REEP1: variants seen among roughly 807,000 people sequenced by gnomAD.
The protein encoded by REEP1 is receptor accessory protein 1.
REEP1 carries 22 observed loss-of-function variants against 40.3 expected under a neutral mutation model. That is an observed-to-expected ratio of 0.55 (90% CI 0.39 to 0.78). The LOEUF (loss-of-function observed/expected upper bound fraction) is 0.78, where lower values mean the gene tolerates loss of function less well. REEP1 is among the 30% of genes least tolerant of loss of function. The pLI is 0.00. For missense variants in REEP1, 280 were observed against 361.1 expected (o/e 0.78, Z 1.82); for synonymous variants, 116 against 139.2 (o/e 0.83, Z 1.17).
intron 2 of REEP1, among the ~76,000 whole-genome samples, chr2:86,273,708 C>T (rs755555762): frequency 6.6e-6 from 1 of 152,128 alleles, no homozygotes; most frequent in African/African-American, 2.4e-5. Context: ...TGATTTCAGC[C>T]CTCAGATCTC....
At position 86,288,954 on chromosome 2, in the gene REEP1, G is replaced by A. The variant is rs371099708; in HGVS notation, c.33-6712C>T. 5.9e-5 allele frequency among the ~76,000 whole-genome samples: 9 copies of A among 152,018 alleles called. No individual in the cohort carries two copies. In the East Asian group the frequency reaches 1.4e-3, roughly 23 times the overall value. On this transcript the variant is annotated intron_variant, in intron 1 of 8. Transcript: ENST00000538924. ...TCCATTAGTTTATCTTGTTCTTAGT[G>A]ATTTTTAGGAATTCTTTGTGAATTT...
chr2:86,325,306 T>C (rs998623181), intron 1 of REEP1, among the ~76,000 whole-genome samples: 11 of 152,190 alleles, frequency 7.2e-5, no homozygotes, highest in Non-Finnish European at 1.2e-4. Context: ...CCCTTGTGTG[T>C]TTCCCCTTTC....
intron 3 of REEP1, among the ~76,000 whole-genome samples, chr2:86,260,853 G>A (rs1304687700): frequency 1.3e-5 from 2 of 152,164 alleles, no homozygotes; most frequent in Admixed American, 6.5e-5. Context: ...CTGTACTTCC[G>A]ACTTACAGAA....
intron 2 of REEP1, among the ~76,000 whole-genome samples, chr2:86,266,884 G>A (rs1677172416): frequency 6.6e-6 from 1 of 151,834 alleles, no homozygotes; most frequent in Non-Finnish European, 1.5e-5. Flanking sequence ...GTGGGCACCT[G>A]TAGTCCCAGC....
At chr2:86,300,940 C>T (rs1207467329) in intron 1 of REEP1, among the ~76,000 whole-genome samples, 1 of 152,154 alleles carries the variant, frequency 6.6e-6, no homozygotes, top group East Asian at 1.9e-4. Flanking sequence ...GCCCTTCACG[C>T]CTCTGGGTAC....
intron 5 of REEP1, 200 bp downstream of exon 5, chr2:86,251,757 A>T (rs1020358381): frequency 1.6e-6 from 1 of 623,432 alleles, no homozygotes; most frequent in Non-Finnish European, 2.9e-6. Flanking sequence ...TATTGCAAGT[A>T]TGTGGGCATG....
At chr2:86,326,319 A>G (rs915100580) in intron 1 of REEP1, among the ~76,000 whole-genome samples, 3 of 152,252 alleles carry the variant, frequency 2.0e-5, no homozygotes, top group Non-Finnish European at 4.4e-5. Flanking sequence ...TCAATCAATC[A>G]GTCTTGAGCA....
intron 2 of REEP1, among the ~76,000 whole-genome samples, chr2:86,281,509 T>C (rs1161679132): frequency 6.6e-6 from 1 of 152,114 alleles, no homozygotes; most frequent in Non-Finnish European, 1.5e-5. Context: ...ACACCTGTAA[T>C]CCAAGCTACT....
intron 5 of REEP1, among the ~76,000 whole-genome samples, chr2:86,236,329 T>G (rs1675322004): frequency 6.6e-6 from 1 of 152,192 alleles, no homozygotes; most frequent in South Asian, 2.1e-4. Flanking sequence ...TTCCACACTG[T>G]CTGTTCAGCT....
chr2:86,229,280 G>A (rs1182923395), intron 6 of REEP1, among the ~76,000 whole-genome samples: 1 of 152,226 alleles, frequency 6.6e-6, no homozygotes, highest in Non-Finnish European at 1.5e-5. Context: ...AGGCTGAATT[G>A]AGGCTCAGGA....
chr2:86,234,403 G>A (rs1485977589), intron 5 of REEP1, among the ~76,000 whole-genome samples: 2 of 151,946 alleles, frequency 1.3e-5, no homozygotes, highest in Non-Finnish European at 2.9e-5. Context: ...CTGTAGTTCC[G>A]GCTACTCGGG....
intron 1 of REEP1, among the ~76,000 whole-genome samples, chr2:86,316,013 G>C (rs1679987324): frequency 1.3e-5 from 2 of 152,124 alleles, no homozygotes; most frequent in African/African-American, 4.8e-5. Flanking sequence ...AAGGCTCCTA[G>C]AAGCCGCCAG....
At position 86,236,655 on chromosome 2, in the gene REEP1, A is replaced by C. The variant is rs1675338982; in HGVS notation, c.418-3853T>G. ...GGTAGATCCCGTTTCTATTTTTAAA[A>C]TTTAAAAAGACATCGCTAAGTCACC... is the stretch of plus-strand genomic sequence containing the variant. On this transcript the variant is annotated intron_variant, in intron 5 of 8. Coordinates refer to ENST00000538924, the MANE Select transcript of REEP1 (RefSeq NM_001371279.1). Among the ~76,000 whole-genome samples the C allele has an allele frequency of 5.9e-5, 9 of 152,164 alleles. No homozygotes were observed. In the South Asian group the frequency reaches 1.9e-3, roughly 31 times the overall value.
intron 5 of REEP1, among the ~76,000 whole-genome samples, chr2:86,245,841 T>C (rs1449217864): frequency 1.3e-5 from 2 of 151,616 alleles, no homozygotes; most frequent in East Asian, 3.9e-4. Context: ...CTTGGCTCAC[T>C]GCAAGCTCCG....
intron 1 of REEP1, among the ~76,000 whole-genome samples, chr2:86,293,641 A>C (rs1572996970): frequency 6.6e-6 from 1 of 152,348 alleles, no homozygotes; most frequent in East Asian, 1.9e-4. Context: ...TTTGAATTCA[A>C]ATTATACAGG....
chr2:86,243,434 C>T lies in REEP1; in HGVS notation c.417+8523G>A, dbSNP rs894984811. Among the ~76,000 whole-genome samples the T allele has an allele frequency of 3.3e-5, 5 of 152,288 alleles. No homozygotes were observed. The East Asian group carries it at 9.6e-4, about 29-fold the overall frequency. On this transcript the variant is annotated intron_variant, in intron 5 of 8. Transcript: ENST00000538924. ...GCTGCACAATCTCCACAGGTAGCCA[C>T]AGAACAGAGCAGGTAAGTAATGTCG...
intron 1 of REEP1, among the ~76,000 whole-genome samples, chr2:86,287,176 C>T (rs915555870): frequency 6.6e-6 from 1 of 152,192 alleles, no homozygotes; most frequent in Non-Finnish European, 1.5e-5. Context: ...GCAACCTCTG[C>T]CTCCCAGGTT....
At chr2:86,310,048 C>T (rs1679688288) in intron 1 of REEP1, among the ~76,000 whole-genome samples, 1 of 152,138 alleles carries the variant, frequency 6.6e-6, no homozygotes, top group Non-Finnish European at 1.5e-5. Context: ...ACCTTGCCAC[C>T]ATAATGAAAA....
chr2:86,249,349 C>G (rs373122618), intron 5 of REEP1, among the ~76,000 whole-genome samples: 2 of 152,152 alleles, frequency 1.3e-5, no homozygotes, highest in African/African-American at 4.8e-5. Context: ...CGGCCTCCCC[C>G]TCCCCGCTGC....
Sources: allele counts gnomAD v4.1 joint callset (sites outside exome capture counted in the v4.1 genomes callset), GRCh38; gene constraint gnomAD v4.1.1; transcripts MANE v1.5; gene names NCBI Gene and HGNC (gene_info 2026-07-23, HGNC 2026-07-21).